NIPSNAP1: variants seen among roughly 807,000 people sequenced by gnomAD.
The protein encoded by NIPSNAP1 is protein NipSnap homolog 1.
NIPSNAP1 carries 25 observed loss-of-function variants against 49.2 expected under a neutral mutation model. The observed-to-expected ratio is 0.51, with a 90% CI of 0.37 to 0.71. The LOEUF (loss-of-function observed/expected upper bound fraction) is 0.71, where lower values mean the gene tolerates loss of function less well. Ranked by LOEUF, NIPSNAP1 falls within the 30% of genes least tolerant of loss-of-function variation. The pLI is 0.00. For synonymous variants in NIPSNAP1, 143 were observed against 140.7 expected (o/e 1.02, Z -0.12); for missense variants, 294 against 361.0 (o/e 0.81, Z 1.50).
At chr22:29,557,963 A>G (rs1169940365) in intron 9 of NIPSNAP1, among the ~76,000 whole-genome samples, 5 of 152,150 alleles carry the variant, frequency 3.3e-5, no homozygotes, top group Non-Finnish European at 1.5e-5. Context: ...AAACACCTTG[A>G]GCAAAAAACT....
chr22:29,577,706 A>C (rs1388557139), intron 1 of NIPSNAP1, among the ~76,000 whole-genome samples: 1 of 147,948 alleles, frequency 6.8e-6, no homozygotes, highest in African/African-American at 2.6e-5. Flanking sequence ...GAGCCAACGC[A>C]CCCGGCATGT....
intron 1 of NIPSNAP1, among the ~76,000 whole-genome samples, chr22:29,574,766 C>T (rs899861089): frequency 2.4e-5 from 3 of 126,914 alleles, no homozygotes; most frequent in Admixed American, 9.2e-5. Flanking sequence ...GCTACAAGAG[C>T]GAAACTCTGT....
intron 1 of NIPSNAP1, among the ~76,000 whole-genome samples, chr22:29,574,491 A>G (rs900060116): frequency 6.6e-6 from 1 of 151,742 alleles, no homozygotes; most frequent in Non-Finnish European, 1.5e-5. Flanking sequence ...CAAAAAGACA[A>G]TTATCAGCCT....
intron 3 of NIPSNAP1, 118 bp downstream of exon 3, chr22:29,570,044 A>T: frequency 1.2e-6 from 1 of 832,568 alleles, no homozygotes; most frequent in Admixed American, 1.9e-5. Context: ...AAATAAAAGA[A>T]ATCTACATCT....
chr22:29,564,210 C>A, intron 4 of NIPSNAP1: 1 of 406,006 alleles, frequency 2.5e-6, no homozygotes. Context: ...CTGTAACTTC[C>A]CATCCCCATC....
intron 1 of NIPSNAP1, chr22:29,580,223 G>A: frequency 7.7e-7 from 1 of 1,302,870 alleles, no homozygotes; most frequent in South Asian, 1.2e-5. Flanking sequence ...AGTCATAACT[G>A]TGCAGGGTCA....
chr22:29,570,372 G>A, intron 2 of NIPSNAP1, 33 bp downstream of exon 2: 1 of 1,613,866 alleles, frequency 6.2e-7, no homozygotes, highest in Non-Finnish European at 8.5e-7. Context: ...GCCCCTGAAA[G>A]GGCAGAAATT....
rs778657149 is a variant in NIPSNAP1, at chr22:29,581,007, C to A, written c.76G>T (p.Val26Phe). The change falls in exon 1 of 10, where the codon GTT becomes TTT. Residue 26 changes from valine (V) to phenylalanine (F), a missense_variant. Coordinates refer to ENST00000216121, the MANE Select transcript of NIPSNAP1 (RefSeq NM_003634.4). ...LGGPGPRAGDVASAAAARFYS... is the reference protein window; with the variant it reads ...LGGPGPRAGDFASAAAARFYS... ...CACCGCGCCGCAGCTGCAGACGCAA[C>A]GTCCCCAGCGCGAGGCCCCGGGCCC... 1 of 1,533,782 alleles carries A rather than the reference C, an allele frequency of 6.5e-7. No homozygotes were observed. Among genetic ancestry groups the A allele is most frequent in the Non-Finnish European group, 8.7e-7 (1 of 1,144,522 alleles).
intron 1 of NIPSNAP1, among the ~76,000 whole-genome samples, chr22:29,577,709 C>T (rs566192912): frequency 2.7e-5 from 4 of 149,842 alleles, no homozygotes; most frequent in East Asian, 4.0e-4. Context: ...CCAACGCACC[C>T]GGCATGTTTT....
chr22:29,570,400 C>T lies in NIPSNAP1; in HGVS notation c.226+5G>A. Reference sequence around the variant, plus strand: ...CAGAAATTGGTCAGCTCAGCAGCCACTCACACTGGATCTTATAGAGGTTGC... The same window carrying T: ...CAGAAATTGGTCAGCTCAGCAGCCATTCACACTGGATCTTATAGAGGTTGC... On this transcript the variant is annotated splice_donor_5th_base_variant and intron_variant, in intron 2 of 9. Transcript: ENST00000216121. 1 of 1,614,056 alleles carries T rather than the reference C, an allele frequency of 6.2e-7. No individual in the cohort carries two copies. Among genetic ancestry groups the T allele is most frequent in the Non-Finnish European group, 8.5e-7 (1 of 1,180,026 alleles).
chr22:29,579,031 C>T (rs1044022846), intron 1 of NIPSNAP1, among the ~76,000 whole-genome samples: 1 of 151,232 alleles, frequency 6.6e-6, no homozygotes, highest in African/African-American at 2.5e-5. Context: ...TAAGGAGCAA[C>T]ACTTACTGCA....
intron 1 of NIPSNAP1, among the ~76,000 whole-genome samples, chr22:29,571,868 C>T (rs530303022): frequency 2.0e-5 from 3 of 151,920 alleles, no homozygotes; most frequent in Non-Finnish European, 2.9e-5. Flanking sequence ...CTCGGCCTCC[C>T]GGGTTCAAGC....
At chr22:29,573,037 T>C (rs2064422687) in intron 1 of NIPSNAP1, among the ~76,000 whole-genome samples, 1 of 151,676 alleles carries the variant, frequency 6.6e-6, no homozygotes, top group Non-Finnish European at 1.5e-5. Context: ...TGTTTTGTTT[T>C]GTTCATTTGT....
chr22:29,570,203 G>A lies in NIPSNAP1; in HGVS notation c.231C>T (p.His77=). 13 of 1,614,010 alleles carry A rather than the reference G, an allele frequency of 8.1e-6. No homozygotes were observed. Among genetic ancestry groups the A allele is most frequent in the Non-Finnish European group, 1.1e-5 (13 of 1,179,986 alleles). The part of the protein sequence containing the change: ...ETSNLYKIQF[H]NVKPEYLDAY... The stretch of plus-strand genomic sequence containing the variant: ...CATCCAGGTATTCAGGCTTTACATT[G>A]TGAACTGCAACAGAGGACAGAGAAC... Residue 77 remains histidine, a synonymous_variant, in exon 3 of 10, where the codon CAC becomes CAT. Transcript: ENST00000216121.
intron 8 of NIPSNAP1, 25 bp downstream of exon 8, chr22:29,560,709 G>C: frequency 1.3e-6 from 2 of 1,591,622 alleles, no homozygotes; most frequent in Non-Finnish European, 1.7e-6. Flanking sequence ...ACTAACAAAA[G>C]GCTCCTGGAA....
chr22:29,581,067 A>G lies in NIPSNAP1; in HGVS notation c.16T>C (p.Cys6Arg). The change falls in exon 1 of 10, where the codon TGC (cysteine) becomes CGC (arginine). Residue 6 changes from cysteine (C) to arginine (R), a missense_variant. This residue lies in a region of NIPSNAP1 where 88 missense variants were observed against 76.1 expected (regional missense o/e 1.16). Coordinates refer to ENST00000216121, the MANE Select transcript of NIPSNAP1 (RefSeq NM_003634.4). ...CGCCGCGCCGTCACAGAGATGCTGC[A>G]CAGCCGCGGAGCCATGTTGGAGCCG... MAPRL[C>R]SISVTARRLL... is the part of the protein sequence containing the mutation. 6.5e-7 allele frequency: 1 copy of G among 1,541,822 alleles called. No homozygotes were observed. The highest frequency in any genetic ancestry group is 8.7e-7 in the Non-Finnish European group (1 of 1,146,100).
chr22:29,561,387 G>T, intron 6 of NIPSNAP1, 119 bp downstream of exon 6: 1 of 1,501,302 alleles, frequency 6.7e-7, no homozygotes, highest in Non-Finnish European at 9.2e-7. Flanking sequence ...ATACAACTCT[G>T]CTCTGAGCCC....
Position 29,555,928 on chromosome 22 carries a change from G to C in NIPSNAP1, c.*7C>G, listed in dbSNP as rs1215807563. 6 of 1,551,218 alleles carry C rather than the reference G, an allele frequency of 3.9e-6. No homozygotes were observed. Among genetic ancestry groups the C allele is most frequent in the South Asian group, 1.2e-5 (1 of 84,046 alleles). On this transcript the variant is annotated 3_prime_UTR_variant, in exon 10 of 10. Coordinates refer to ENST00000216121, the MANE Select transcript of NIPSNAP1 (RefSeq NM_003634.4). The stretch of plus-strand genomic sequence containing the variant: ...AGAAGGGGAAGGAGGTGGAGGTGTA[G>C]GCAGCATCACTGCAGAGGCGAGATC...
intron 9 of NIPSNAP1, among the ~76,000 whole-genome samples, chr22:29,557,179 C>T (rs1017153406): frequency 6.6e-6 from 1 of 151,776 alleles, no homozygotes; most frequent in Admixed American, 6.6e-5. Flanking sequence ...AGTGCAGTGG[C>T]AGGTTCTCGG....
Sources: allele counts gnomAD v4.1 joint callset (sites outside exome capture counted in the v4.1 genomes callset), GRCh38; gene constraint gnomAD v4.1.1; regional missense constraint gnomAD v4.1.1; transcripts MANE v1.5; gene names NCBI Gene and HGNC (gene_info 2026-07-23, HGNC 2026-07-21).